DOCK4: variants seen among roughly 807,000 people sequenced by gnomAD.
DOCK4 encodes dedicator of cytokinesis protein 4.
DOCK4 carries 97 observed loss-of-function variants against 268.1 expected under a neutral mutation model. That is an observed-to-expected ratio of 0.36 (90% CI 0.31 to 0.43). The LOEUF (loss-of-function observed/expected upper bound fraction) is 0.43. Among genes scored for constraint, DOCK4 ranks in the 20% least tolerant of loss-of-function variants. DOCK4 has a pLI of 1.00. For synonymous variants in DOCK4, 954 were observed against 887.2 expected, an observed-to-expected ratio of 1.08 and a Z score of -1.34; for missense variants, 2,145 against 2,455.7, an observed-to-expected ratio of 0.87 and a Z score of 2.67.
At chr7:111,801,370 C>T (rs1201680272) in intron 30 of DOCK4, among the ~76,000 whole-genome samples, 1 of 152,216 alleles carries the variant, frequency 6.6e-6, no homozygotes, top group Non-Finnish European at 1.5e-5. Context: ...TACAAGGGAG[C>T]TGTTTTCTTC....
At chr7:111,905,967 C>T (rs1018057054) in intron 13 of DOCK4, among the ~76,000 whole-genome samples, 2 of 152,070 alleles carry the variant, frequency 1.3e-5, no homozygotes, top group Non-Finnish European at 2.9e-5. Context: ...AGTAGAACAT[C>T]TCATTAAATT....
intron 16 of DOCK4, among the ~76,000 whole-genome samples, chr7:111,889,073 T>A (rs1196707315): frequency 1.3e-5 from 2 of 152,122 alleles, no homozygotes; most frequent in Admixed American, 6.6e-5. Flanking sequence ...TTTCTGCAGG[T>A]CACTTAACTA....
At chr7:111,949,975 G>A (rs1795924120) in intron 8 of DOCK4, among the ~76,000 whole-genome samples, 1 of 152,162 alleles carries the variant, frequency 6.6e-6, no homozygotes, top group African/African-American at 2.4e-5. Flanking sequence ...CACCCAGGCT[G>A]GAGTACAGCA....
intron 38 of DOCK4, among the ~76,000 whole-genome samples, chr7:111,765,927 C>A (rs757325573): frequency 1.1e-4 from 16 of 152,120 alleles, no homozygotes; most frequent in Non-Finnish European, 1.3e-4. Context: ...CCTCTATCCC[C>A]CCTCTAGTAA....
intron 4 of DOCK4, among the ~76,000 whole-genome samples, chr7:111,998,188 T>C (rs1412345785): frequency 6.6e-6 from 1 of 152,162 alleles, no homozygotes; most frequent in Non-Finnish European, 1.5e-5. Flanking sequence ...CTCCTTCTGC[T>C]CAAGCATAGG....
At chr7:111,800,999 T>C (rs1242473267) in intron 30 of DOCK4, among the ~76,000 whole-genome samples, 1 of 152,230 alleles carries the variant, frequency 6.6e-6, no homozygotes, top group Non-Finnish European at 1.5e-5. Flanking sequence ...ATTTCTTCTC[T>C]AACAGAAAAG....
chr7:111,809,424 C>G, intron 28 of DOCK4, 23 bp from the exon 29 acceptor site: 2 of 1,523,610 alleles, frequency 1.3e-6, no homozygotes, highest in South Asian at 2.4e-5. Flanking sequence ...CAAGATATAT[C>G]AATACTATGG....
chr7:111,750,449 T>G (rs1796555127), intron 42 of DOCK4, among the ~76,000 whole-genome samples: 1 of 152,188 alleles, frequency 6.6e-6, no homozygotes, highest in African/African-American at 2.4e-5. Flanking sequence ...CTGAGAAGCT[T>G]TACAACTAAC....
intron 39 of DOCK4, among the ~76,000 whole-genome samples, chr7:111,762,673 A>C (rs1169104144): frequency 6.6e-6 from 1 of 151,824 alleles, no homozygotes; most frequent in African/African-American, 2.4e-5. Flanking sequence ...GTATTTGTGT[A>C]AATATATATT....
chr7:111,944,538 G>A (rs1435731391), intron 10 of DOCK4, among the ~76,000 whole-genome samples: 1 of 152,114 alleles, frequency 6.6e-6, no homozygotes, highest in Non-Finnish European at 1.5e-5. Flanking sequence ...AATCAAATAT[G>A]TTTAGGAAGG....
intron 13 of DOCK4, among the ~76,000 whole-genome samples, chr7:111,902,801 G>A (rs759081549): frequency 1.9e-4 from 29 of 151,266 alleles, no homozygotes; most frequent in Admixed American, 1.3e-3. Flanking sequence ...GGGAGGTCTC[G>A]CTCTGTCGCC....
chr7:111,749,918 T>A (rs561143738), intron 42 of DOCK4, among the ~76,000 whole-genome samples: 1 of 152,334 alleles, frequency 6.6e-6, no homozygotes, highest in South Asian at 2.1e-4. Flanking sequence ...TGCTGAGCCA[T>A]GAATCAGTGG....
chr7:111,983,847 C>CGCGCGCGT (rs1562961008), intron 7 of DOCK4, among the ~76,000 whole-genome samples: 43 of 77,930 alleles, frequency 5.5e-4, no homozygotes, highest in African/African-American at 2.2e-3. Context: ...CACACACACG[C>CGCGCGCGT]GCGCGCGCGC....
intron 41 of DOCK4, among the ~76,000 whole-genome samples, chr7:111,758,039 C>G (rs148533758): frequency 1.3e-3 from 199 of 152,204 alleles, no homozygotes; most frequent in African/African-American, 4.6e-3. Flanking sequence ...CTACTGAGAG[C>G]AGAGAACTCA....
intron 8 of DOCK4, among the ~76,000 whole-genome samples, chr7:111,956,192 T>G (rs1390672843): frequency 6.6e-6 from 1 of 152,196 alleles, no homozygotes; most frequent in African/African-American, 2.4e-5. Context: ...TCAGAAATTA[T>G]TCTGACCTTT....
chr7:112,039,040 G>A (rs1804110745), intron 1 of DOCK4, among the ~76,000 whole-genome samples: 1 of 152,158 alleles, frequency 6.6e-6, no homozygotes. Context: ...GTGAATAACA[G>A]GAAAGGGACT....
intron 21 of DOCK4, among the ~76,000 whole-genome samples, chr7:111,869,165 C>T (rs1232219409): frequency 6.6e-6 from 1 of 152,160 alleles, no homozygotes; most frequent in Admixed American, 6.5e-5. Flanking sequence ...TCATTATAAT[C>T]CCCGCTAAGC....
At chr7:112,109,751 T>A (rs1811462579) in intron 1 of DOCK4, among the ~76,000 whole-genome samples, 1 of 148,352 alleles carries the variant, frequency 6.7e-6, no homozygotes, top group South Asian at 2.1e-4. Context: ...CATCTTTTTT[T>A]TTTTTTTTTT....
chr7:111,776,205 G>T (rs1798433455), intron 36 of DOCK4, among the ~76,000 whole-genome samples: 1 of 152,144 alleles, frequency 6.6e-6, no homozygotes, highest in Non-Finnish European at 1.5e-5. Context: ...GCAATGAAAA[G>T]ATGCCAACCC....
Sources: allele counts gnomAD v4.1 joint callset (sites outside exome capture counted in the v4.1 genomes callset), GRCh38; gene constraint gnomAD v4.1.1; transcripts MANE v1.5; gene names NCBI Gene and HGNC (gene_info 2026-07-23, HGNC 2026-07-21).